B3GALT2: variants seen among roughly 807,000 people sequenced by gnomAD.
B3GALT2 encodes the protein beta-1,3-galactosyltransferase 2.
B3GALT2 carries 13 observed loss-of-function variants against 33.5 expected under a neutral mutation model. That is an observed-to-expected ratio of 0.39 (90% CI 0.25 to 0.62). The LOEUF (loss-of-function observed/expected upper bound fraction) is 0.62. Ranked by LOEUF, B3GALT2 falls within the 20% of genes least tolerant of loss-of-function variation. The pLI, the probability that B3GALT2 is intolerant of heterozygous loss-of-function variation, is 0.53. For synonymous variants in B3GALT2, 195 were observed against 172.7 expected (o/e 1.13, Z -1.01); for missense variants, 418 against 509.1 (o/e 0.82, Z 1.72).
intron 1 of B3GALT2, among the ~76,000 whole-genome samples, chr1:193,185,593 A>G (rs1676793227): frequency 6.6e-6 from 1 of 152,058 alleles, no homozygotes; most frequent in South Asian, 2.1e-4. Context: ...TTTCCTTGCT[A>G]CTATTTAATG....
In B3GALT2 at chr1:193,180,287, G is replaced by A. The variant is rs1275742086; in HGVS notation, c.*7C>T. ...CAAATTGCACATTTGAAAAAAAATT[G>A]TCTTTTCTAATGTAGTTTACGGTGG... On this transcript the variant is annotated 3_prime_UTR_variant, in exon 2 of 2. Transcript: ENST00000367434. 3 of 1,537,270 alleles carry A rather than the reference G, an allele frequency of 2.0e-6. No homozygotes were observed. The highest frequency in any genetic ancestry group is 2.5e-5 in the South Asian group (2 of 78,944).
intron 1 of B3GALT2, among the ~76,000 whole-genome samples, chr1:193,183,228 A>G (rs1360595115): frequency 6.6e-6 from 1 of 151,712 alleles, no homozygotes; most frequent in Non-Finnish European, 1.5e-5. Context: ...AGCCACTAGG[A>G]GGAGCAAGTA....
intron 1 of B3GALT2, among the ~76,000 whole-genome samples, chr1:193,185,462 C>T (rs1186993198): frequency 6.6e-6 from 1 of 151,680 alleles, no homozygotes; most frequent in South Asian, 2.1e-4. Flanking sequence ...TTTGTTGATA[C>T]TCTCTTTGGT....
chr1:193,180,173 TC>T lies in B3GALT2; in HGVS notation c.*120del. The T allele has an allele frequency of 1.2e-6, 1 of 835,304 alleles. No homozygotes were observed. Among genetic ancestry groups the T allele is most frequent in the African/African-American group, 1.8e-5 (1 of 56,658 alleles). The allele number at this position is 835,304 out of a possible 1,614,324, so 51.7% of individuals were successfully genotyped here. On this transcript the variant is annotated 3_prime_UTR_variant, in exon 2 of 2. Transcript: ENST00000367434. ...CTTCTTCAGAAATTAAAAAAATACTTCTTGAATTTCTTTATGTGATGAGTTT... is the reference window on the plus strand; with the variant it reads ...CTTCTTCAGAAATTAAAAAAATACTTTTGAATTTCTTTATGTGATGAGTTT...
intron 1 of B3GALT2, among the ~76,000 whole-genome samples, chr1:193,184,605 TTAGTC>T (rs1296735581): frequency 7.9e-5 from 12 of 151,772 alleles, no homozygotes; most frequent in African/African-American, 2.9e-4. Flanking sequence ...GTTGATCTCT[TTAGTC>T]TGTTGGTGAT....
chr1:193,182,613 T>A (rs1676735951), intron 1 of B3GALT2, among the ~76,000 whole-genome samples: 1 of 152,162 alleles, frequency 6.6e-6, no homozygotes, highest in Non-Finnish European at 1.5e-5. Flanking sequence ...GAACTTGTCA[T>A]TAGCACAGTT....
At chr1:193,181,845 T>C (rs1676722803) in intron 1 of B3GALT2, among the ~76,000 whole-genome samples, 163 bp from the exon 2 acceptor site, 1 of 152,152 alleles carries the variant, frequency 6.6e-6, no homozygotes, top group South Asian at 2.1e-4. Flanking sequence ...GAGAACAAGA[T>C]TAATTTATTT....
intron 1 of B3GALT2, among the ~76,000 whole-genome samples, chr1:193,183,823 C>T (rs930480090): frequency 1.3e-5 from 2 of 151,680 alleles, no homozygotes; most frequent in African/African-American, 4.8e-5. Flanking sequence ...TATGATAATA[C>T]TTGGAATCTG....
Position 193,180,179 on chromosome 1 carries a change from A to G in B3GALT2, c.*115T>C, listed in dbSNP as rs1369961411. The G allele has an allele frequency of 2.3e-6, 2 of 878,112 alleles. No homozygotes were observed. Among genetic ancestry groups the G allele is most frequent in the Non-Finnish European group, 3.2e-6 (2 of 621,260 alleles). The allele number at this position is 878,112 out of a possible 1,614,324, so 54.4% of individuals were successfully genotyped here. On this transcript the variant is annotated 3_prime_UTR_variant, in exon 2 of 2. Coordinates refer to ENST00000367434, the MANE Select transcript of B3GALT2 (RefSeq NM_003783.3). ...CAGAAATTAAAAAAATACTTCTTGA[A>G]TTTCTTTATGTGATGAGTTTTAACT...
chr1:193,180,965 A>G lies in B3GALT2; in HGVS notation c.598T>C (p.Tyr200His). The G allele has an allele frequency of 6.2e-7, 1 of 1,613,492 alleles. No homozygotes were observed. ...TCTTCCAGTATTGCACGTTGAAGGT[A>G]GCCATTTAGCTTAATACTTAAGCCC... ...LLGLSIKLNG[Y>H]LQRAILEESR... Residue 200 changes from tyrosine to histidine, a missense_variant, in exon 2 of 2, where the codon TAC becomes CAC. Coordinates refer to ENST00000367434, the MANE Select transcript of B3GALT2 (RefSeq NM_003783.3).
Position 193,180,085 on chromosome 1 carries a change from T to G in B3GALT2, c.*209A>C. On this transcript the variant is annotated 3_prime_UTR_variant, in exon 2 of 2. Transcript: ENST00000367434. ...AATACACAGAATCTCCTTATACAGT[T>G]TTTTAAATAGATTGTTTTGGGAAAC... 2.4e-6 allele frequency: 1 copy of G among 423,096 alleles called. No individual in the cohort carries two copies. The highest frequency in any genetic ancestry group is 4.0e-6 in the Non-Finnish European group (1 of 247,096). The allele number at this position is 423,096 out of a possible 1,614,324, so 26.2% of individuals were successfully genotyped here.
chr1:193,186,612 G>A lies in B3GALT2; in HGVS notation c.-714C>T, dbSNP rs1676813247. The A allele has an allele frequency of 6.6e-6, 1 of 152,136 alleles. No homozygotes were observed. The highest frequency in any genetic ancestry group is 6.6e-5 in the Admixed American group (1 of 15,260). 9.4% of individuals were successfully genotyped at this position (152,136 alleles called of 1,614,324 possible). ...TGCACAGGCAGGCAGCAGTTTAAATGTGGGCTTGACAGATGCTCTCTCTGA... is the reference window on the plus strand; with the variant it reads ...TGCACAGGCAGGCAGCAGTTTAAATATGGGCTTGACAGATGCTCTCTCTGA... On this transcript the variant is annotated 5_prime_UTR_variant, in exon 1 of 2. Transcript: ENST00000367434.
chr1:193,182,557 T>C (rs1376821643), intron 1 of B3GALT2, among the ~76,000 whole-genome samples: 1 of 152,198 alleles, frequency 6.6e-6, no homozygotes, highest in Non-Finnish European at 1.5e-5. Flanking sequence ...ATCCTTGAGT[T>C]GTGCTTTATT....
At position 193,181,322 on chromosome 1, in the gene B3GALT2, TC is replaced by T; in HGVS notation, c.240del (p.Asn81ThrfsTer11). On this transcript the variant is annotated frameshift_variant, in exon 2 of 2. Coordinates refer to ENST00000367434, the MANE Select transcript of B3GALT2 (RefSeq NM_003783.3). LOFTEE classifies it high-confidence loss of function. ...TKSETNHSSL[R>X]NIWKETVPQT... ...TGAGGGACTGTTTCTTTCCAAATGT[TC>T]CGAAGGGAGCTGTGGTTTGTCTCAC... The T allele has an allele frequency of 6.2e-7, 1 of 1,614,090 alleles. No individual in the cohort carries two copies. The highest frequency in any genetic ancestry group is 8.5e-7 in the Non-Finnish European group (1 of 1,179,958).
In B3GALT2 at chr1:193,180,737, T is replaced by C. The variant is rs1430776173; in HGVS notation, c.826A>G (p.Asn276Asp). The change falls in exon 2 of 2, where the codon AAC (asparagine) becomes GAC (aspartate). Residue 276 changes from asparagine (N) to aspartate (D), a missense_variant. Physicochemically the swap from Asn to Asp is conservative, Grantham distance 23. Coordinates refer to ENST00000367434, the MANE Select transcript of B3GALT2 (RefSeq NM_003783.3). Reference protein sequence around the residue: ...LLKPDLPPRHNYFTGYLMRGY... With the variant: ...LLKPDLPPRHDYFTGYLMRGY... Reference sequence around the variant, plus strand: ...CGCATTAGGTAACCAGTGAAATAGTTATGTCTGGGAGGCAGATCTGGCTTC... The same window carrying C: ...CGCATTAGGTAACCAGTGAAATAGTCATGTCTGGGAGGCAGATCTGGCTTC... 7 of 1,613,980 alleles carry C rather than the reference T, an allele frequency of 4.3e-6. No individual in the cohort carries two copies. In the African/African-American group the frequency reaches 9.3e-5, roughly 22 times the overall value.
Position 193,180,213 on chromosome 1 carries a change from TCC to T in B3GALT2, c.*79_*80del, listed in dbSNP as rs1357775816. The T allele has an allele frequency of 8.0e-7, 1 of 1,249,786 alleles. No individual in the cohort carries two copies. Among genetic ancestry groups the T allele is most frequent in the Non-Finnish European group, 1.1e-6 (1 of 930,072 alleles). 77.4% of individuals were successfully genotyped at this position (1,249,786 alleles called of 1,614,324 possible). ...TGTGATGAGTTTTAACTAAAACTTG[TCC>T]TACGGATGTAATCAGTTCTAACTAT... is the stretch of plus-strand genomic sequence containing the variant. On this transcript the variant is annotated 3_prime_UTR_variant, in exon 2 of 2. Transcript: ENST00000367434.
At position 193,179,652 on chromosome 1, in the gene B3GALT2, A is replaced by G. The variant is rs1015272767; in HGVS notation, c.*642T>C. 2.6e-5 allele frequency: 4 copies of G among 152,608 alleles called. No homozygotes were observed. The highest frequency in any genetic ancestry group is 2.6e-4 in the Admixed American group (4 of 15,274). 9.5% of individuals were successfully genotyped at this position (152,608 alleles called of 1,614,324 possible). On this transcript the variant is annotated 3_prime_UTR_variant, in exon 2 of 2. Transcript: ENST00000367434. ...ACATTTTACCACGTCATGTCAAAAT[A>G]ATTTTCCCCCATATATTAATAAAAG...
chr1:193,184,761 A>G (rs1404665635), intron 1 of B3GALT2, among the ~76,000 whole-genome samples: 7 of 151,950 alleles, frequency 4.6e-5, no homozygotes, highest in Non-Finnish European at 1.0e-4. Context: ...ACTATTTATT[A>G]TTAGTCTTTA....
At chr1:193,184,900 A>G (rs996244783) in intron 1 of B3GALT2, among the ~76,000 whole-genome samples, 3 of 151,984 alleles carry the variant, frequency 2.0e-5, no homozygotes, top group African/African-American at 7.2e-5. Flanking sequence ...TGATTATTAG[A>G]TAATTACTGA....
Sources: allele counts gnomAD v4.1 joint callset (sites outside exome capture counted in the v4.1 genomes callset), GRCh38; gene constraint gnomAD v4.1.1; transcripts MANE v1.5; gene names NCBI Gene and HGNC (gene_info 2026-07-23, HGNC 2026-07-21).